Variants in ZMYM2 observed in about 807,000 individuals in gnomAD.
The protein encoded by ZMYM2 is zinc finger MYM-type containing 2.
In ZMYM2, 56 loss-of-function variants were observed where a neutral mutation model predicts 162.8. The ratio of observed to expected loss-of-function variants is 0.34; its 90% CI spans 0.28 to 0.43. The LOEUF (loss-of-function observed/expected upper bound fraction) is 0.43. Ranked by LOEUF, ZMYM2 falls within the 20% of genes least tolerant of loss-of-function variation. ZMYM2 has a pLI of 1.00. For missense variants in ZMYM2, 1,275 were observed against 1,621.8 expected, an observed-to-expected ratio of 0.79 and a Z score of 3.67; for synonymous variants, 510 against 541.6, an observed-to-expected ratio of 0.94 and a Z score of 0.81.
chr13:20,040,065 C>T (rs370569962), intron 12 of ZMYM2, among the ~76,000 whole-genome samples: 9 of 152,142 alleles, frequency 5.9e-5, no homozygotes, highest in African/African-American at 1.9e-4. Flanking sequence ...GGTTGTGTCT[C>T]TGCCAGGTTT....
At chr13:19,953,143 G>A in the ZMYM2 span, among the ~76,000 whole-genome samples, 1 of 152,128 alleles carries the variant, frequency 6.6e-6, no homozygotes, top group Non-Finnish European at 1.5e-5. Context: ...AGAATGGTGA[G>A]TCAGTAAATT....
chr13:19,985,747 G>A (rs978581620), intron 2 of ZMYM2, among the ~76,000 whole-genome samples: 12 of 151,726 alleles, frequency 7.9e-5, no homozygotes, highest in Non-Finnish European at 1.5e-5. Flanking sequence ...GTGGTGGCAC[G>A]TGCCTGTAGT....
intron 2 of ZMYM2, among the ~76,000 whole-genome samples, chr13:19,971,558 C>T (rs1402313196): frequency 6.6e-5 from 10 of 151,842 alleles, no homozygotes; most frequent in African/African-American, 1.5e-4. Context: ...GCATGAGTCA[C>T]CATGCCCAGC....
rs1957953654 is a variant in ZMYM2, at chr13:20,082,148, A to G, written c.3568+18A>G. The G allele has an allele frequency of 6.5e-7, 1 of 1,526,850 alleles. No individual in the cohort carries two copies. The highest frequency in any genetic ancestry group is 1.2e-5 in the South Asian group (1 of 83,894). 94.6% of individuals were successfully genotyped at this position (1,526,850 alleles called of 1,614,324 possible). A position where few individuals can be genotyped will look rare whatever the true frequency, so the allele number is the denominator to read the frequency against. ...TCCAGATGGTAATGCTATTTTCACT[A>G]AAGGTGTTGCTCTCTTGATATTAGG... On this transcript the variant is annotated intron_variant, in intron 22 of 24. Coordinates refer to ENST00000610343, the MANE Select transcript of ZMYM2 (RefSeq NM_197968.4).
chr13:19,872,377 C>G, the ZMYM2 span, among the ~76,000 whole-genome samples: 1 of 151,940 alleles, frequency 6.6e-6, no homozygotes, highest in Admixed American at 6.6e-5. Context: ...TGGTGAAACT[C>G]TGTCTCTACT....
chr13:19,968,125 C>G (rs1265867216), intron 2 of ZMYM2, among the ~76,000 whole-genome samples: 1 of 152,210 alleles, frequency 6.6e-6, no homozygotes, highest in Non-Finnish European at 1.5e-5. Context: ...CGCTAGTGAC[C>G]TAATTGCCAA....
chr13:19,865,742 G>T, the ZMYM2 span, among the ~76,000 whole-genome samples: 2 of 152,160 alleles, frequency 1.3e-5, no homozygotes, highest in Non-Finnish European at 2.9e-5. Context: ...GGAATGACAG[G>T]TTCATGTCCC....
chr13:20,022,645 T>C (rs2140208085), intron 7 of ZMYM2, among the ~76,000 whole-genome samples: 1 of 152,354 alleles, frequency 6.6e-6, no homozygotes, highest in South Asian at 2.1e-4. Context: ...AACATGATGG[T>C]ATATACATTT....
At chr13:20,030,430 G>A (rs1302882367) in intron 9 of ZMYM2, among the ~76,000 whole-genome samples, 5 of 135,598 alleles carry the variant, frequency 3.7e-5, no homozygotes, top group Non-Finnish European at 6.2e-5. Flanking sequence ...ACGGAGTCTC[G>A]CTCTGTCGCC....
At chr13:19,953,847 A>G (rs1954470227), upstream of ZMYM2, among the ~76,000 whole-genome samples, 1 of 152,020 alleles carries the variant, frequency 6.6e-6, no homozygotes, top group South Asian at 2.1e-4. Context: ...TAAACCATGA[A>G]ATGAACTTGG....
At chr13:19,913,659 A>C in the ZMYM2 span, among the ~76,000 whole-genome samples, 2 of 152,104 alleles carry the variant, frequency 1.3e-5, no homozygotes. Flanking sequence ...TGGGAGGCGG[A>C]GGCTGCAGTA....
the ZMYM2 span, among the ~76,000 whole-genome samples, chr13:19,894,502 C>T: frequency 1.3e-5 from 2 of 151,844 alleles, no homozygotes; most frequent in South Asian, 2.1e-4. Flanking sequence ...CCTGCCACCA[C>T]GCCCAGCTAA....
intron 3 of ZMYM2, among the ~76,000 whole-genome samples, chr13:19,998,786 C>A (rs1719396163): frequency 6.6e-6 from 1 of 152,130 alleles, no homozygotes; most frequent in Non-Finnish European, 1.5e-5. Flanking sequence ...AAAAAATCAT[C>A]CTTTTTAAAG....
intron 11 of ZMYM2, 41 bp from the exon 12 acceptor site, chr13:20,036,696 T>C: frequency 7.1e-7 from 1 of 1,410,678 alleles, no homozygotes; most frequent in East Asian, 2.6e-5. Context: ...TTAGTTTTCA[T>C]GTGTTTTTTT....
intron 11 of ZMYM2, 84 bp from the exon 12 acceptor site, chr13:20,036,653 C>G: frequency 8.5e-7 from 1 of 1,174,596 alleles, no homozygotes; most frequent in Non-Finnish European, 1.1e-6. Context: ...GAGGAAAAAT[C>G]TTGACCAATT....
intron 2 of ZMYM2, among the ~76,000 whole-genome samples, chr13:19,967,055 A>G (rs545308137): frequency 1.3e-5 from 2 of 152,084 alleles, no homozygotes; most frequent in South Asian, 4.2e-4. Context: ...TGTTTTCTTT[A>G]TTTGTATATC....
intron 9 of ZMYM2, among the ~76,000 whole-genome samples, chr13:20,031,066 TTGAA>T (rs1953082358): frequency 6.6e-6 from 1 of 152,210 alleles, no homozygotes; most frequent in Non-Finnish European, 1.5e-5. Context: ...CAGATGATGA[TTGAA>T]TGTATGATTT....
the ZMYM2 span, among the ~76,000 whole-genome samples, chr13:19,926,520 A>G: frequency 1.3e-5 from 2 of 151,166 alleles, no homozygotes; most frequent in African/African-American, 4.9e-5. Context: ...TGGGCCCCCA[A>G]GCCCAACTAA....
intron 7 of ZMYM2, chr13:20,026,102 A>G (rs1952558463): frequency 6.6e-6 from 1 of 152,148 alleles, no homozygotes; most frequent in Admixed American, 6.5e-5. Flanking sequence ...ATGAGATTTC[A>G]AATGTAGTAG....
Sources: gnomAD v4.1 joint callset for allele counts (sites outside exome capture counted in the v4.1 genomes callset) on GRCh38, gnomAD v4.1.1 for gene constraint, MANE v1.5 for transcripts, NCBI Gene and HGNC (gene_info 2026-07-23, HGNC 2026-07-21) for gene names.